Variants in TBC1D19 observed in about 807,000 individuals in gnomAD.
The protein encoded by TBC1D19 is TBC1 domain family, member 19.
Under a neutral mutation model 89.0 loss-of-function variants are expected in TBC1D19, and 60 were observed. That is an observed-to-expected ratio of 0.67 (90% CI 0.55 to 0.84). TBC1D19 has a LOEUF of 0.84. TBC1D19 is among the 40% of genes least tolerant of loss of function. The pLI is 0.00. For missense variants in TBC1D19, 500 were observed against 610.8 expected (o/e 0.82, Z 1.91); for synonymous variants, 189 against 199.7 (o/e 0.95, Z 0.45).
chr4:26,606,722 C>T (rs1418737614), intron 1 of TBC1D19, among the ~76,000 whole-genome samples: 1 of 152,136 alleles, frequency 6.6e-6, no homozygotes, highest in Non-Finnish European at 1.5e-5. Context: ...TCACTTCTAA[C>T]CCTACAGTTC....
At chr4:26,728,887 C>A (rs1423913755) in intron 15 of TBC1D19, among the ~76,000 whole-genome samples, 1 of 152,128 alleles carries the variant, frequency 6.6e-6, no homozygotes, top group Admixed American at 6.5e-5. Flanking sequence ...TGATGGCGGG[C>A]GCCTGTAGTC....
chr4:26,649,306 T>C (rs1302024080), intron 7 of TBC1D19, among the ~76,000 whole-genome samples: 2 of 152,178 alleles, frequency 1.3e-5, no homozygotes, highest in Non-Finnish European at 2.9e-5. Context: ...GTCATCATAA[T>C]CTCCTCCACT....
intron 7 of TBC1D19, among the ~76,000 whole-genome samples, chr4:26,649,877 A>T (rs1744229282): frequency 6.6e-6 from 1 of 151,900 alleles, no homozygotes. Context: ...CCAACCCCAC[A>T]ACAGGCCCCA....
chr4:26,598,275 A>T (rs973515119), intron 1 of TBC1D19, among the ~76,000 whole-genome samples: 5 of 152,230 alleles, frequency 3.3e-5, no homozygotes, highest in African/African-American at 4.8e-5. Flanking sequence ...TAATTCATGC[A>T]TATTTTATGT....
chr4:26,613,579 C>T (rs78855169), intron 2 of TBC1D19, among the ~76,000 whole-genome samples: 2,725 of 152,178 alleles, frequency 0.018, 57 homozygotes, highest in East Asian at 0.066. Context: ...AAAACTATGG[C>T]CAAATAGGTT....
intron 1 of TBC1D19, among the ~76,000 whole-genome samples, chr4:26,584,513 C>T (rs945578655): frequency 2.0e-5 from 3 of 152,164 alleles, no homozygotes; most frequent in African/African-American, 7.2e-5. Flanking sequence ...CTGCCTCAGC[C>T]CCAGGCGTGG....
chr4:26,726,622 C>T (rs570014702), intron 15 of TBC1D19, among the ~76,000 whole-genome samples: 121 of 152,174 alleles, frequency 8.0e-4, no homozygotes, highest in African/African-American at 2.5e-3. Context: ...AATCATTGTC[C>T]CAATCTCTAT....
the TBC1D19 span, among the ~76,000 whole-genome samples, chr4:26,821,281 T>C: frequency 6.6e-6 from 1 of 152,358 alleles, no homozygotes; most frequent in East Asian, 1.9e-4. Context: ...AGTTTTGTCT[T>C]TGAAATCATT....
At chr4:26,646,040 G>A (rs1391299205) in intron 7 of TBC1D19, among the ~76,000 whole-genome samples, 8 of 149,662 alleles carry the variant, frequency 5.3e-5, no homozygotes, top group East Asian at 4.0e-4. Context: ...GGAGAATGGC[G>A]TGACCCCGGG....
intron 4 of TBC1D19, among the ~76,000 whole-genome samples, chr4:26,629,315 G>A (rs986618396): frequency 1.3e-5 from 2 of 151,914 alleles, no homozygotes; most frequent in African/African-American, 4.8e-5. Context: ...CAGATACTCA[G>A]GTACTTTTCC....
At position 26,754,964 on chromosome 4, in the gene TBC1D19, T is replaced by C. The variant is rs200899849; in HGVS notation, c.*17T>C. On this transcript the variant is annotated 3_prime_UTR_variant, in exon 21 of 21. Transcript: ENST00000264866. Reference sequence around the variant, plus strand: ...GTCACCTGATCTTCTTCACAGTCACTGGCAACACATCTAGTTTTTCATTAG... The same window carrying C: ...GTCACCTGATCTTCTTCACAGTCACCGGCAACACATCTAGTTTTTCATTAG... 10 of 1,590,408 alleles carry C rather than the reference T, an allele frequency of 6.3e-6. No individual in the cohort carries two copies. Among genetic ancestry groups the C allele is most frequent in the East Asian group, 4.6e-5 (2 of 43,498 alleles).
At chr4:26,808,727 C>CAAAAAAAAAAAAAAAAAAA in the TBC1D19 span, among the ~76,000 whole-genome samples, 1 of 95,110 alleles carries the variant, frequency 1.1e-5, no homozygotes, top group African/African-American at 4.5e-5. Flanking sequence ...GACTCTGTCT[C>CAAAAAAAAAAAAAAAAAAA]AAAAAAAAAA....
intron 9 of TBC1D19, among the ~76,000 whole-genome samples, chr4:26,666,698 C>T (rs1030921670): frequency 2.6e-5 from 4 of 151,866 alleles, no homozygotes. Context: ...CCTTTCCTGG[C>T]CATCAGCATC....
At chr4:26,611,464 A>T (rs185735192) in intron 1 of TBC1D19, among the ~76,000 whole-genome samples, 18 of 152,108 alleles carry the variant, frequency 1.2e-4, no homozygotes, top group African/African-American at 4.3e-4. Context: ...TGCCCTTTGT[A>T]TGTCTTATAA....
At chr4:26,730,413 T>G (rs1717585261) in intron 15 of TBC1D19, among the ~76,000 whole-genome samples, 1 of 152,234 alleles carries the variant, frequency 6.6e-6, no homozygotes, top group South Asian at 2.1e-4. Context: ...TTGCATATAT[T>G]ATAATATTTA....
intron 13 of TBC1D19, among the ~76,000 whole-genome samples, chr4:26,709,324 G>T (rs1715985630): frequency 6.6e-6 from 1 of 151,894 alleles, no homozygotes; most frequent in Non-Finnish European, 1.5e-5. Flanking sequence ...TTAACATCTG[G>T]CTCCCAAAGG....
At chr4:26,713,633 G>C (rs1716353430) in intron 13 of TBC1D19, among the ~76,000 whole-genome samples, 2 of 152,024 alleles carry the variant, frequency 1.3e-5, no homozygotes, top group Admixed American at 1.3e-4. Flanking sequence ...TCAGTTAACT[G>C]CCTCTTTACT....
chr4:26,580,488 G>C (rs1321314640), upstream of TBC1D19, among the ~76,000 whole-genome samples: 2 of 152,162 alleles, frequency 1.3e-5, no homozygotes, highest in African/African-American at 2.4e-5. Context: ...GAGGGGCCTG[G>C]GGTCTTGTGC....
At chr4:26,791,659 G>A in the TBC1D19 span, among the ~76,000 whole-genome samples, 3 of 152,188 alleles carry the variant, frequency 2.0e-5, no homozygotes, top group Admixed American at 6.5e-5. Context: ...ACATAAAGCC[G>A]AGACAATTTT....
Sources: gnomAD v4.1 joint callset for allele counts (sites outside exome capture counted in the v4.1 genomes callset) on GRCh38, gnomAD v4.1.1 for gene constraint, MANE v1.5 for transcripts, NCBI Gene and HGNC (gene_info 2026-07-23, HGNC 2026-07-21) for gene names.